Variants in ATXN7L1 observed in about 807,000 individuals in gnomAD.
The protein encoded by ATXN7L1 is ataxin 7 like 1.
A neutral mutation model predicts 70.8 loss-of-function variants in ATXN7L1; 15 were observed. That is an observed-to-expected ratio of 0.21 (90% confidence interval 0.14 to 0.33). The LOEUF is 0.33. Ranked by LOEUF, ATXN7L1 falls within the 10% of genes least tolerant of loss-of-function variation. The pLI, the probability that ATXN7L1 is intolerant of heterozygous loss-of-function variation, is 1.00. For missense variants in ATXN7L1, 975 were observed against 1,097.1 expected (o/e 0.89, Z 1.57); for synonymous variants, 440 against 445.1 (o/e 0.99, Z 0.14).
Position 105,614,908 on chromosome 7 carries a change from G to A in ATXN7L1, c.1518-92C>T. ...ATGACGTTTGAGGATCAGGGCTACA[G>A]AGGACACCCCGGCAGAACCAGACTA... On this transcript the variant is annotated intron_variant, in intron 9 of 11. Transcript: ENST00000419735. The surrounding 1 kb of genome is among the most constrained non-coding windows in gnomAD (Gnocchi z 4.3). 3 of 1,418,408 alleles carry A rather than the reference G, an allele frequency of 2.1e-6. No homozygotes were observed. The highest frequency in any genetic ancestry group is 2.8e-6 in the Non-Finnish European group (3 of 1,059,788). The allele number at this position is 1,418,408 out of a possible 1,614,324, so 87.9% of individuals were successfully genotyped here.
chr7:105,792,043 C>A (rs1805326421), intron 2 of ATXN7L1, among the ~76,000 whole-genome samples: 1 of 152,218 alleles, frequency 6.6e-6, no homozygotes, highest in Non-Finnish European at 1.5e-5. Flanking sequence ...CAGGCTGCCA[C>A]TGACGCCCCA....
chr7:105,802,303 C>T (rs1198768408), intron 2 of ATXN7L1, among the ~76,000 whole-genome samples: 4 of 152,048 alleles, frequency 2.6e-5, no homozygotes, highest in South Asian at 2.1e-4. Flanking sequence ...CGCAGAGGTC[C>T]GACAATCAAT....
chr7:105,699,682 G>A (rs1306612717), intron 3 of ATXN7L1, among the ~76,000 whole-genome samples: 1 of 152,098 alleles, frequency 6.6e-6, no homozygotes, highest in East Asian at 1.9e-4. Flanking sequence ...TACCTAAAAA[G>A]CACTGTGATC....
chr7:105,725,996 G>T (rs904234677), intron 3 of ATXN7L1, among the ~76,000 whole-genome samples: 9 of 150,584 alleles, frequency 6.0e-5, no homozygotes, highest in Non-Finnish European at 1.0e-4. Context: ...CCGCCTCCTG[G>T]GTTCAAGTGA....
intron 4 of ATXN7L1, among the ~76,000 whole-genome samples, chr7:105,653,946 G>C (rs1469000164): frequency 1.3e-5 from 2 of 152,150 alleles, no homozygotes; most frequent in African/African-American, 2.4e-5. Flanking sequence ...AGTGCCTGCT[G>C]TTCCTTCCTA....
At chr7:105,717,801 T>A (rs1794741484) in intron 3 of ATXN7L1, among the ~76,000 whole-genome samples, 1 of 152,224 alleles carries the variant, frequency 6.6e-6, no homozygotes, top group Admixed American at 6.5e-5. Context: ...TAACTGCCAG[T>A]GAGGTTGAAC....
At chr7:105,719,443 C>T (rs1307591096) in intron 3 of ATXN7L1, among the ~76,000 whole-genome samples, 2 of 152,108 alleles carry the variant, frequency 1.3e-5, no homozygotes, top group South Asian at 2.1e-4. Context: ...ATAGAAATTT[C>T]CTATTTGGGG....
chr7:105,721,266 C>T (rs1474570415), intron 3 of ATXN7L1, among the ~76,000 whole-genome samples: 2 of 152,168 alleles, frequency 1.3e-5, no homozygotes, highest in Non-Finnish European at 2.9e-5. Context: ...ATCTCTGACT[C>T]TGTTCATGGC....
At chr7:105,683,668 C>T (rs560031983) in intron 3 of ATXN7L1, among the ~76,000 whole-genome samples, 25 of 152,204 alleles carry the variant, frequency 1.6e-4, no homozygotes, top group Admixed American at 1.3e-4. Context: ...GAGCGAGATT[C>T]CGTCTCAAAA....
In ATXN7L1 at chr7:105,683,177, T is replaced by C. The variant is rs559869781; in HGVS notation, c.356-17889A>G. Among the ~76,000 whole-genome samples, 338 of 152,308 alleles carry C rather than the reference T, an allele frequency of 2.2e-3. 4 individuals carry two copies. Among genetic ancestry groups the C allele is most frequent in the African/African-American group, 7.7e-3 (321 of 41,574 alleles). On this transcript the variant is annotated intron_variant, in intron 3 of 11. Coordinates refer to ENST00000419735, the MANE Select transcript of ATXN7L1 (RefSeq NM_020725.2). The stretch of plus-strand genomic sequence containing the variant: ...ACCAATTTGGGTCCACAAAGAAGTG[T>C]TAATTTGTCTTAAACAATGTGATAC...
intron 8 of ATXN7L1, 50 bp downstream of exon 8, chr7:105,624,025 C>A: frequency 7.5e-7 from 1 of 1,337,022 alleles, no homozygotes; most frequent in South Asian, 2.1e-5. Context: ...ACCTAAGTGT[C>A]TGCAAAGCAC....
In ATXN7L1 at chr7:105,787,618, T is replaced by C. The variant is rs1003955322; in HGVS notation, c.355+986A>G. On this transcript the variant is annotated intron_variant, in intron 3 of 11. Transcript: ENST00000419735. Reference sequence around the variant, plus strand: ...AAGCTCAACTCCCTTTATTTTATTATAGAATAATGATAACTGAAGAGGTGG... The same window carrying C: ...AAGCTCAACTCCCTTTATTTTATTACAGAATAATGATAACTGAAGAGGTGG... Among the ~76,000 whole-genome samples, 4 of 152,202 alleles carry C rather than the reference T, an allele frequency of 2.6e-5. No individual in the cohort carries two copies. The South Asian group carries it at 6.2e-4, about 24-fold the overall frequency.
Position 105,785,684 on chromosome 7 carries a change from G to A in ATXN7L1, c.355+2920C>T, listed in dbSNP as rs75385432. Among the ~76,000 whole-genome samples, 389 of 152,310 alleles carry A rather than the reference G, an allele frequency of 2.6e-3. 2 individuals carry two copies. Among genetic ancestry groups the A allele is most frequent in the African/African-American group, 8.3e-3 (343 of 41,570 alleles). Reference sequence around the variant, plus strand: ...TCCTACCCGCAATGTGATGGTATACGGAGTTGGGGCCTTTGGAGATAATTA... The same window carrying A: ...TCCTACCCGCAATGTGATGGTATACAGAGTTGGGGCCTTTGGAGATAATTA... On this transcript the variant is annotated intron_variant, in intron 3 of 11. Coordinates refer to ENST00000419735, the MANE Select transcript of ATXN7L1 (RefSeq NM_020725.2).
chr7:105,792,101 CA>C (rs1005030963), intron 2 of ATXN7L1, among the ~76,000 whole-genome samples: 3 of 152,220 alleles, frequency 2.0e-5, no homozygotes, highest in African/African-American at 7.2e-5. Flanking sequence ...CCGTCTCCCC[CA>C]CCCCCACAGT....
intron 3 of ATXN7L1, among the ~76,000 whole-genome samples, chr7:105,700,480 G>A (rs2116233048): frequency 7.9e-6 from 1 of 125,892 alleles, no homozygotes; most frequent in Admixed American, 9.5e-5. Context: ...ATGCACTCCA[G>A]CCTGGGTGAC....
chr7:105,645,360 C>T (rs1333364456), intron 4 of ATXN7L1, among the ~76,000 whole-genome samples: 1 of 152,162 alleles, frequency 6.6e-6, no homozygotes, highest in African/African-American at 2.4e-5. Context: ...ATAAACCTGA[C>T]TTTAAAAATA....
rs186715453 is a variant in ATXN7L1, at chr7:105,645,919, A to G, written c.579-2798T>C. ...CTACTCAGGAGGCTAAGGTGGGAGA[A>G]TCACTTGAACCCAGGAGGCAGAGGT... On this transcript the variant is annotated intron_variant, in intron 4 of 11. Coordinates refer to ENST00000419735, the MANE Select transcript of ATXN7L1 (RefSeq NM_020725.2). 4.8e-3 allele frequency among the ~76,000 whole-genome samples: 733 copies of G among 152,094 alleles called. 6 individuals are homozygous for G. The highest frequency in any genetic ancestry group is 0.017 in the African/African-American group (691 of 41,480).
At chr7:105,677,010 G>A (rs1020786882) in intron 3 of ATXN7L1, among the ~76,000 whole-genome samples, 15 of 152,244 alleles carry the variant, frequency 9.9e-5, no homozygotes, top group Admixed American at 9.8e-4. Context: ...GGTGCCTTGA[G>A]CTAAGGCCTC....
At chr7:105,753,159 C>T (rs796615001) in intron 3 of ATXN7L1, among the ~76,000 whole-genome samples, 8 of 152,254 alleles carry the variant, frequency 5.3e-5, no homozygotes, top group East Asian at 1.9e-4. Flanking sequence ...TTCTCAAGGA[C>T]GGCTGAAGGA....
Sources: allele counts gnomAD v4.1 joint callset (sites outside exome capture counted in the v4.1 genomes callset), GRCh38; gene constraint gnomAD v4.1.1; non-coding constraint Gnocchi (gnomAD v3.1); transcripts MANE v1.5; gene names NCBI Gene and HGNC (gene_info 2026-07-23, HGNC 2026-07-21).